Variants in GLS observed in about 807,000 individuals in gnomAD.
The protein encoded by GLS is glutaminase kidney isoform, mitochondrial.
GLS carries 36 observed loss-of-function variants against 86.7 expected under a neutral mutation model. That is an observed-to-expected ratio of 0.42 (90% confidence interval 0.32 to 0.55). GLS has a LOEUF of 0.55. Among genes scored for constraint, GLS ranks in the 20% least tolerant of loss-of-function variants. The pLI is 0.17. For missense variants in GLS, 528 were observed against 833.4 expected (o/e 0.63, Z 4.51); for synonymous variants, 317 against 305.9 (o/e 1.04, Z -0.38).
chr2:190,897,126 T>G lies in GLS; in HGVS notation c.605+1401T>G. Among the ~76,000 whole-genome samples, 1 of 152,024 alleles carries G rather than the reference T, an allele frequency of 6.6e-6. No individual in the cohort carries two copies. The highest frequency in any genetic ancestry group is 1.5e-5 in the Non-Finnish European group (1 of 67,986). On this transcript the variant is annotated intron_variant, in intron 3 of 17. Coordinates refer to ENST00000320717, the MANE Select transcript of GLS (RefSeq NM_014905.5). The surrounding 1 kb of genome is among the most constrained non-coding windows in gnomAD (Gnocchi z 4.3). Reference sequence around the variant, plus strand: ...TCACTACAACCTCTGCCTCCCGGGTTCAAGTGATTCTCCCACCTAAATTCC... The same window carrying G: ...TCACTACAACCTCTGCCTCCCGGGTGCAAGTGATTCTCCCACCTAAATTCC...
rs1163991110 is a variant in GLS, at chr2:190,955,649, T to C, written c.1853+831T>C. Among the ~76,000 whole-genome samples, 1 of 152,230 alleles carries C rather than the reference T, an allele frequency of 6.6e-6. No homozygotes were observed. The highest frequency in any genetic ancestry group is 1.5e-5 in the Non-Finnish European group (1 of 68,042). On this transcript the variant is annotated intron_variant, in intron 17 of 17. Coordinates refer to ENST00000320717, the MANE Select transcript of GLS (RefSeq NM_014905.5). This position sits in a 1 kb window ranked among gnomAD's most constrained non-coding sequence, Gnocchi z 5.6. ...AATCTTTTGGGTATATACCCAGTAA[T>C]GGGATTGCTGGATCAAATGGTATTT...
intron 7 of GLS, among the ~76,000 whole-genome samples, chr2:190,910,541 C>A (rs1256349006): frequency 6.7e-6 from 1 of 149,808 alleles, no homozygotes; most frequent in Non-Finnish European, 1.5e-5. Context: ...TAAATTCCAA[C>A]AGTCATTTAC....
chr2:190,885,333 A>G (rs1335430867), intron 1 of GLS, among the ~76,000 whole-genome samples: 7 of 151,988 alleles, frequency 4.6e-5, no homozygotes, highest in Non-Finnish European at 1.0e-4. Flanking sequence ...CTGGGATTAC[A>G]GGCACCCGCC....
intron 14 of GLS, chr2:190,934,902 TAAAAA>T (rs1169177014): frequency 3.1e-6 from 3 of 978,524 alleles, no homozygotes; most frequent in African/African-American, 3.5e-5. Flanking sequence ...CCCTCAAACT[TAAAAA>T]AGAAAAAACT....
chr2:190,950,169 C>T (rs1297877623), intron 14 of GLS, among the ~76,000 whole-genome samples: 5 of 151,890 alleles, frequency 3.3e-5, no homozygotes, highest in Non-Finnish European at 7.4e-5. Context: ...AGTTGTAGGC[C>T]TTGAGTGCCT....
Position 190,924,411 on chromosome 2 carries a change from CTTTTAGAAGTTACA to C in GLS, c.1198-130_1198-117del. The C allele has an allele frequency of 1.5e-6, 1 of 676,670 alleles. No homozygotes were observed. Among genetic ancestry groups the C allele is most frequent in the Non-Finnish European group, 2.7e-6 (1 of 377,100 alleles). 41.9% of individuals were successfully genotyped at this position (676,670 alleles called of 1,614,324 possible). A position where few individuals can be genotyped will look rare whatever the true frequency, so the allele number is the denominator to read the frequency against. On this transcript the variant is annotated intron_variant, in intron 10 of 17. Transcript: ENST00000320717. This position sits in a 1 kb window ranked among gnomAD's most constrained non-coding sequence, Gnocchi z 5.2. The stretch of plus-strand genomic sequence containing the variant: ...TGCTTTTTTATTTCATGTTTATACT[CTTTTAGAAGTTACA>C]TGCTATTTTATTAATTAAAATGAAA...
chr2:190,898,642 T>C (rs1688831389), intron 3 of GLS, among the ~76,000 whole-genome samples: 1 of 152,228 alleles, frequency 6.6e-6, no homozygotes, highest in South Asian at 2.1e-4. Flanking sequence ...ATAAATCCTT[T>C]TTTTTTGAGA....
In GLS at chr2:190,913,511, TG is replaced by T; in HGVS notation, c.1038+3193del. On this transcript the variant is annotated intron_variant, in intron 7 of 17. Transcript: ENST00000320717. This position sits in a 1 kb window ranked among gnomAD's most constrained non-coding sequence, Gnocchi z 6.1. Reference sequence around the variant, plus strand: ...ACTTTTTGTTGTAATCTGTTTTATTTGGGATTGTGATAATGTGTGATTGCTT... The same window carrying T: ...ACTTTTTGTTGTAATCTGTTTTATTTGGATTGTGATAATGTGTGATTGCTT... 2.0e-6 allele frequency: 2 copies of T among 995,324 alleles called. No homozygotes were observed. The highest frequency in any genetic ancestry group is 2.4e-6 in the Non-Finnish European group (2 of 829,374). 61.7% of individuals were successfully genotyped at this position (995,324 alleles called of 1,614,324 possible).
chr2:190,883,296 T>G (rs954942613), intron 1 of GLS, among the ~76,000 whole-genome samples: 4 of 152,226 alleles, frequency 2.6e-5, no homozygotes, highest in African/African-American at 9.6e-5. Context: ...CCTCTTTGGC[T>G]CCTTTCATTT....
In GLS at chr2:190,955,764, A is replaced by G. The variant is rs1418881783; in HGVS notation, c.1853+946A>G. Among the ~76,000 whole-genome samples, 1 of 152,170 alleles carries G rather than the reference A, an allele frequency of 6.6e-6. No individual in the cohort carries two copies. The highest frequency in any genetic ancestry group is 2.4e-5 in the African/African-American group (1 of 41,436). ...CCACTAACAGTGTAAAAGCGTTCCT[A>G]TTTCTCCACATCCTCTCCAGCATCT... On this transcript the variant is annotated intron_variant, in intron 17 of 17. Coordinates refer to ENST00000320717, the MANE Select transcript of GLS (RefSeq NM_014905.5). This position sits in a 1 kb window ranked among gnomAD's most constrained non-coding sequence, Gnocchi z 5.6.
intron 12 of GLS, among the ~76,000 whole-genome samples, chr2:190,928,298 G>C (rs1224581928): frequency 1.3e-5 from 2 of 150,610 alleles, no homozygotes; most frequent in African/African-American, 2.4e-5. Flanking sequence ...TATTTAGTTA[G>C]TGTTTAGATT....
Position 190,954,835 on chromosome 2 carries a change from C to T in GLS, c.1853+17C>T, listed in dbSNP as rs200257079. ...CAAGGACAGGTGAGCACTTATGTTA[C>T]CTTCTAAATATGTCAGTATTTTATT... On this transcript the variant is annotated intron_variant, in intron 17 of 17. Transcript: ENST00000320717. The surrounding 1 kb of genome is among the most constrained non-coding windows in gnomAD (Gnocchi z 4.0). 2.6e-4 allele frequency: 400 copies of T among 1,527,954 alleles called. No individual in the cohort carries two copies. Among genetic ancestry groups the T allele is most frequent in the Middle Eastern group, 1.7e-4 (1 of 5,804 alleles). 94.6% of individuals were successfully genotyped at this position (1,527,954 alleles called of 1,614,324 possible).
chr2:190,883,199 G>T (rs576709575), intron 1 of GLS, among the ~76,000 whole-genome samples: 2 of 152,202 alleles, frequency 1.3e-5, no homozygotes, highest in African/African-American at 4.8e-5. Flanking sequence ...TCACCTTTTA[G>T]CAAGGGCCTC....
chr2:190,887,908 A>G (rs1688440899), intron 1 of GLS, among the ~76,000 whole-genome samples: 1 of 152,188 alleles, frequency 6.6e-6, no homozygotes. Context: ...ATAACGGCCA[A>G]AAGTTAGAAT....
chr2:190,948,134 T>C (rs551884608), intron 14 of GLS, among the ~76,000 whole-genome samples: 68 of 152,318 alleles, frequency 4.5e-4, no homozygotes, highest in African/African-American at 1.5e-3. Context: ...CCTAGTGCTT[T>C]TCTGTTTTGG....
At chr2:190,933,948 A>G (rs1690190415) in intron 14 of GLS, 1 of 925,828 alleles carries the variant, frequency 1.1e-6, no homozygotes, top group Non-Finnish European at 1.3e-6. Flanking sequence ...TTGAGAATCA[A>G]AACTTGTTTT....
intron 7 of GLS, among the ~76,000 whole-genome samples, chr2:190,916,349 C>T (rs1198776375): frequency 6.6e-6 from 1 of 152,080 alleles, no homozygotes; most frequent in Non-Finnish European, 1.5e-5. Flanking sequence ...CAGCTCACCC[C>T]ACTACTCCAT....
intron 14 of GLS, among the ~76,000 whole-genome samples, chr2:190,940,763 CTAAA>C (rs1690403095): frequency 6.7e-6 from 1 of 148,714 alleles, no homozygotes; most frequent in Non-Finnish European, 1.5e-5. Flanking sequence ...TTAATGCCTT[CTAAA>C]TAGGAATTTT....
chr2:190,932,797 G>A, intron 14 of GLS: 1 of 1,606,114 alleles, frequency 6.2e-7, no homozygotes, highest in Non-Finnish European at 8.5e-7. Flanking sequence ...AGTGTCACCT[G>A]AGTCAAATGA....
Sources: gnomAD v4.1 joint callset for allele counts (sites outside exome capture counted in the v4.1 genomes callset) on GRCh38, gnomAD v4.1.1 for gene constraint, Gnocchi (gnomAD v3.1) non-coding constraint, MANE v1.5 for transcripts, NCBI Gene and HGNC (gene_info 2026-07-23, HGNC 2026-07-21) for gene names.